The following ANKDD1B variants were observed in gnomAD, a reference collection of about 807,000 sequenced individuals.
ANKDD1B encodes ankyrin repeat and death domain containing 1B, also known as ankyrin repeat and death domain-containing protein 1B.
ANKDD1B carries 57 observed loss-of-function variants against 59.7 expected under a neutral mutation model. The observed-to-expected ratio is 0.95, with a 90% CI of 0.77 to 1.19. ANKDD1B has a LOEUF of 1.19. ANKDD1B is among the 50% of genes most tolerant of loss of function. The pLI is 0.00. For synonymous variants in ANKDD1B, 216 were observed against 239.5 expected (o/e 0.90, Z 0.91); for missense variants, 602 against 641.9 (o/e 0.94, Z 0.67).
intron 12 of ANKDD1B, among the ~76,000 whole-genome samples, chr5:75,667,591 G>A (rs1775345017): frequency 6.6e-6 from 1 of 152,270 alleles, no homozygotes; most frequent in East Asian, 1.9e-4. Flanking sequence ...ATTTCAGCTG[G>A]ACTCAAACTG....
At chr5:75,632,792 A>G (rs1263510097) in intron 5 of ANKDD1B, among the ~76,000 whole-genome samples, 2 of 152,212 alleles carry the variant, frequency 1.3e-5, no homozygotes, top group African/African-American at 4.8e-5. Context: ...ACTACATTAC[A>G]TTATAATTAC....
Position 75,627,490 on chromosome 5 carries a change from G to A in ANKDD1B, c.600+1535G>A, listed in dbSNP as rs1040639859. On this transcript the variant is annotated intron_variant, in intron 5 of 13. Coordinates refer to ENST00000601380, the MANE Select transcript of ANKDD1B (RefSeq NM_001276713.2). ...TGAGCTAATGACTATAAAGCACTTA[G>A]CAACAGGCCAGGCACATTGTAAGTG... is the stretch of plus-strand genomic sequence containing the variant. Among the ~76,000 whole-genome samples, 13 of 152,252 alleles carry A rather than the reference G, an allele frequency of 8.5e-5. No homozygotes were observed. In the South Asian group the frequency reaches 2.7e-3, roughly 32 times the overall value.
chr5:75,666,423 C>G (rs1001711062), intron 11 of ANKDD1B, among the ~76,000 whole-genome samples: 1 of 151,996 alleles, frequency 6.6e-6, no homozygotes, highest in African/African-American at 2.4e-5. Flanking sequence ...ATCAAATACC[C>G]AAAAGAAGAA....
Position 75,611,530 on chromosome 5 carries a change from C to T in ANKDD1B, c.-105C>T, listed in dbSNP as rs1368687869. On this transcript the variant is annotated 5_prime_UTR_variant, in exon 1 of 14. Transcript: ENST00000601380. Reference sequence around the variant, plus strand: ...CGGGCTGACCTGCCTGCGTCCAGCCCCCGCGCCCTGGGCCTGCCTGGGTCT... The same window carrying T: ...CGGGCTGACCTGCCTGCGTCCAGCCTCCGCGCCCTGGGCCTGCCTGGGTCT... The T allele has an allele frequency of 1.0e-6, 1 of 976,808 alleles. No individual in the cohort carries two copies. The highest frequency in any genetic ancestry group is 1.3e-6 in the Non-Finnish European group (1 of 756,350). The allele number at this position is 976,808 out of a possible 1,614,324, so 60.5% of individuals were successfully genotyped here. A position where few individuals can be genotyped will look rare whatever the true frequency, so the allele number is the denominator to read the frequency against.
chr5:75,649,051 A>G (rs1257029146), intron 7 of ANKDD1B, among the ~76,000 whole-genome samples: 1 of 152,172 alleles, frequency 6.6e-6, no homozygotes, highest in African/African-American at 2.4e-5. Flanking sequence ...GAATTAGGGC[A>G]ACAGGCTCTC....
chr5:75,630,659 G>A (rs948423510), intron 5 of ANKDD1B, among the ~76,000 whole-genome samples: 15 of 152,222 alleles, frequency 9.9e-5, no homozygotes, highest in Non-Finnish European at 8.8e-5. Flanking sequence ...TGATAAATAT[G>A]TATTAGTTAG....
intron 5 of ANKDD1B, among the ~76,000 whole-genome samples, chr5:75,628,191 T>A (rs1446695132): frequency 6.6e-6 from 1 of 152,150 alleles, no homozygotes; most frequent in East Asian, 1.9e-4. Context: ...CAAAAGTCAG[T>A]TGGAATGGTA....
intron 5 of ANKDD1B, among the ~76,000 whole-genome samples, chr5:75,629,790 A>C (rs1774100294): frequency 6.6e-6 from 1 of 151,776 alleles, no homozygotes; most frequent in Non-Finnish European, 1.5e-5. Flanking sequence ...ACAAAACATT[A>C]GCTGGCGTAT....
intron 11 of ANKDD1B, among the ~76,000 whole-genome samples, chr5:75,663,947 A>T (rs1775234783): frequency 6.6e-6 from 1 of 152,240 alleles, no homozygotes; most frequent in Non-Finnish European, 1.5e-5. Flanking sequence ...TATTCATCTA[A>T]GAACACAAAA....
intron 7 of ANKDD1B, among the ~76,000 whole-genome samples, chr5:75,651,330 A>G (rs934426556): frequency 6.6e-6 from 1 of 152,248 alleles, no homozygotes; most frequent in African/African-American, 2.4e-5. Flanking sequence ...CAATCTTACA[A>G]TTAATCAGTC....
intron 10 of ANKDD1B, among the ~76,000 whole-genome samples, chr5:75,660,845 A>T (rs534627933): frequency 6.6e-6 from 1 of 152,278 alleles, no homozygotes; most frequent in African/African-American, 2.4e-5. Context: ...CTGCTTTGTC[A>T]TCTGGTGCTT....
chr5:75,666,920 T>G lies in ANKDD1B; in HGVS notation c.1320T>G (p.Asn440Lys). 1 of 1,531,284 alleles carries G rather than the reference T, an allele frequency of 6.5e-7. No individual in the cohort carries two copies. Among genetic ancestry groups the G allele is most frequent in the African/African-American group, 1.4e-5 (1 of 72,860 alleles). The allele number at this position is 1,531,284 out of a possible 1,614,324, so 94.9% of individuals were successfully genotyped here. A position where few individuals can be genotyped will look rare whatever the true frequency, so the allele number is the denominator to read the frequency against. ...TGGCTTACCATCAGCTGAAGGCCAATGAGTGGCAGAGGCTGGCCCGTTCGT... is the reference window on the plus strand; with the variant it reads ...TGGCTTACCATCAGCTGAAGGCCAAGGAGTGGCAGAGGCTGGCCCGTTCGT... ...WDLAYHQLKA[N>K]EWQRLARSWN... The change falls in exon 12 of 14, where the codon AAT (asparagine) becomes AAG (lysine). Residue 440 changes from asparagine (N) to lysine (K), a missense_variant. By Grantham distance (94) the Asn-to-Lys change is moderately conservative (BLOSUM62 0). Transcript: ENST00000601380.
chr5:75,651,657 G>A (rs555771449), intron 7 of ANKDD1B, among the ~76,000 whole-genome samples: 61 of 152,346 alleles, frequency 4.0e-4, no homozygotes, highest in African/African-American at 1.2e-3. Flanking sequence ...TCAAAGAGGG[G>A]TTTTGCTGAG....
At chr5:75,621,189 A>G (rs1458836739) in intron 3 of ANKDD1B, among the ~76,000 whole-genome samples, 1 of 152,112 alleles carries the variant, frequency 6.6e-6, no homozygotes, top group East Asian at 1.9e-4. Context: ...GCCAGTAGAG[A>G]AAAATGAAGC....
chr5:75,618,617 G>A (rs1773771469), intron 2 of ANKDD1B, among the ~76,000 whole-genome samples: 1 of 152,036 alleles, frequency 6.6e-6, no homozygotes, highest in Non-Finnish European at 1.5e-5. Flanking sequence ...AATTATCTTG[G>A]GTGCAATTTT....
chr5:75,632,649 T>C (rs2112975371), intron 5 of ANKDD1B, among the ~76,000 whole-genome samples: 1 of 152,300 alleles, frequency 6.6e-6, no homozygotes, highest in East Asian at 1.9e-4. Context: ...AGGTAACAAG[T>C]GCTCTTTTCT....
rs1297932126 is a variant in ANKDD1B, at chr5:75,630,409, CT to C, written c.600+4459del. ...ACTTTGTGTAATTTTGCTTTTACAT[CT>C]TTTTCCTGGACGATAACTGTTTTAA... is the stretch of plus-strand genomic sequence containing the variant. On this transcript the variant is annotated intron_variant, in intron 5 of 13. Transcript: ENST00000601380. Among the ~76,000 whole-genome samples the C allele has an allele frequency of 4.6e-5, 7 of 152,190 alleles. No homozygotes were observed. The South Asian group carries it at 1.5e-3, about 32-fold the overall frequency.
chr5:75,613,287 A>G (rs1773619071), intron 1 of ANKDD1B, among the ~76,000 whole-genome samples: 1 of 152,202 alleles, frequency 6.6e-6, no homozygotes, highest in African/African-American at 2.4e-5. Context: ...AGGGTTTTTT[A>G]TGCATAGGGT....
intron 5 of ANKDD1B, among the ~76,000 whole-genome samples, chr5:75,632,531 C>A (rs1282783741): frequency 1.3e-5 from 2 of 152,182 alleles, no homozygotes; most frequent in African/African-American, 4.8e-5. Flanking sequence ...CTGAACCAAG[C>A]ACTGTGGCCA....
Sources: gnomAD v4.1 joint callset for allele counts (sites outside exome capture counted in the v4.1 genomes callset) on GRCh38, gnomAD v4.1.1 for gene constraint, MANE v1.5 for transcripts, NCBI Gene and HGNC (gene_info 2026-07-23, HGNC 2026-07-21) for gene names.